CDH18: variants seen among roughly 807,000 people sequenced by gnomAD.
The protein encoded by CDH18 is cadherin-18.
A neutral mutation model predicts 67.9 loss-of-function variants in CDH18; 31 were observed. That is an observed-to-expected ratio of 0.46 (90% CI 0.34 to 0.62). The LOEUF (loss-of-function observed/expected upper bound fraction) is 0.62, where lower values mean the gene tolerates loss of function less well. CDH18 is among the 20% of genes least tolerant of loss of function. The probability of loss-of-function intolerance (pLI) is 0.01; values close to 1 mark genes in which losing one functional copy is unlikely to be tolerated. For synonymous variants in CDH18, 362 were observed against 347.2 expected (o/e 1.04, Z -0.48); for missense variants, 890 against 975.5 (o/e 0.91, Z 1.17).
At chr5:19,901,435 T>C (rs1789930591) in intron 2 of CDH18, among the ~76,000 whole-genome samples, 1 of 152,096 alleles carries the variant, frequency 6.6e-6, no homozygotes, top group Non-Finnish European at 1.5e-5. Context: ...ATTTATCCAC[T>C]TACATTTGAA....
chr5:20,565,524 C>A (rs950637740), intron 1 of CDH18, among the ~76,000 whole-genome samples: 2 of 152,050 alleles, frequency 1.3e-5, no homozygotes, highest in Non-Finnish European at 2.9e-5. Flanking sequence ...TGACATCTCC[C>A]ACCATCACAA....
chr5:20,420,048 A>G (rs1747736624), intron 1 of CDH18, among the ~76,000 whole-genome samples: 1 of 151,098 alleles, frequency 6.6e-6, no homozygotes, highest in Non-Finnish European at 1.5e-5. Flanking sequence ...TAGTACTCTT[A>G]GAGTAATGCT....
intron 2 of CDH18, among the ~76,000 whole-genome samples, chr5:19,942,421 G>T (rs919571497): frequency 2.0e-5 from 3 of 152,138 alleles, no homozygotes; most frequent in African/African-American, 7.2e-5. Context: ...GTGTCTCTTT[G>T]ATTCTCAATT....
At chr5:20,554,679 G>C (rs181358172) in intron 1 of CDH18, among the ~76,000 whole-genome samples, 1 of 152,250 alleles carries the variant, frequency 6.6e-6, no homozygotes, top group African/African-American at 2.4e-5. Context: ...CGTCAAAGGG[G>C]GAATCGAATT....
chr5:20,445,342 T>A (rs1749921907), intron 1 of CDH18, among the ~76,000 whole-genome samples: 1 of 152,086 alleles, frequency 6.6e-6, no homozygotes, highest in Non-Finnish European at 1.5e-5. Context: ...GATCCTGGAG[T>A]GCAACTGTGT....
intron 1 of CDH18, among the ~76,000 whole-genome samples, chr5:20,387,342 G>T (rs752492637): frequency 3.9e-5 from 6 of 152,110 alleles, no homozygotes; most frequent in Non-Finnish European, 8.8e-5. Context: ...GTGAATGGGA[G>T]TTCACTCATG....
At chr5:20,451,102 C>G (rs1750411429) in intron 1 of CDH18, among the ~76,000 whole-genome samples, 1 of 152,156 alleles carries the variant, frequency 6.6e-6, no homozygotes, top group Non-Finnish European at 1.5e-5. Context: ...GGTGGGGACA[C>G]AGCCAAACCA....
intron 3 of CDH18, among the ~76,000 whole-genome samples, chr5:19,758,139 G>A (rs10059718): frequency 1.3e-5 from 2 of 152,120 alleles, no homozygotes; most frequent in Admixed American, 1.3e-4. Flanking sequence ...GGACCTGCTA[G>A]AGCCTGATCA....
chr5:19,575,992 G>A (rs1742248844), intron 7 of CDH18, among the ~76,000 whole-genome samples: 1 of 152,070 alleles, frequency 6.6e-6, no homozygotes. Flanking sequence ...TTCTTCCAGG[G>A]GAAACATAGA....
intron 8 of CDH18, among the ~76,000 whole-genome samples, chr5:19,563,859 C>G (rs1739892414): frequency 6.6e-6 from 1 of 152,196 alleles, no homozygotes; most frequent in Non-Finnish European, 1.5e-5. Flanking sequence ...TACACAACCC[C>G]TCCCTCATAC....
chr5:19,505,222 G>A (rs1168272552), intron 10 of CDH18, among the ~76,000 whole-genome samples: 1 of 152,092 alleles, frequency 6.6e-6, no homozygotes, highest in African/African-American at 2.4e-5. Flanking sequence ...TTTGGGCTGA[G>A]ACGATGGGGT....
chr5:19,896,547 A>C (rs1180541867), intron 2 of CDH18, among the ~76,000 whole-genome samples: 1 of 152,148 alleles, frequency 6.6e-6, no homozygotes, highest in African/African-American at 2.4e-5. Flanking sequence ...GCCAAAGAAC[A>C]GATTCTTCCC....
intron 1 of CDH18, among the ~76,000 whole-genome samples, chr5:20,361,383 G>A (rs865784429): frequency 6.6e-5 from 10 of 151,958 alleles, no homozygotes; most frequent in Non-Finnish European, 1.3e-4. Context: ...TCTAAGTAGT[G>A]CCATCTTTTA....
chr5:19,984,756 A>G (rs1799392205), intron 1 of CDH18, among the ~76,000 whole-genome samples: 1 of 152,194 alleles, frequency 6.6e-6, no homozygotes, highest in Non-Finnish European at 1.5e-5. Context: ...GACACGCATG[A>G]TGCGTTAATC....
intron 1 of CDH18, among the ~76,000 whole-genome samples, chr5:20,397,523 C>A (rs1562031449): frequency 6.6e-6 from 1 of 152,068 alleles, no homozygotes; most frequent in African/African-American, 2.4e-5. Context: ...TAATTTAATT[C>A]TTATAAACGT....
chr5:19,785,550 A>C (rs925198920), intron 3 of CDH18, among the ~76,000 whole-genome samples: 1 of 147,594 alleles, frequency 6.8e-6, no homozygotes, highest in Non-Finnish European at 1.5e-5. Flanking sequence ...GCTACTCAGG[A>C]GGCTAAGGCA....
At chr5:19,736,685 A>G (rs779146767) in intron 4 of CDH18, among the ~76,000 whole-genome samples, 13 of 152,038 alleles carry the variant, frequency 8.6e-5, no homozygotes, top group Non-Finnish European at 1.6e-4. Flanking sequence ...ATTTGGTTCT[A>G]TGTGTGGGGG....
At position 20,564,806 on chromosome 5, in the gene CDH18, G is replaced by C. The variant is rs368551802; in HGVS notation, c.-580+10656C>G. On this transcript the variant is annotated intron_variant, in intron 1 of 14. Coordinates refer to the CDH18 transcript ENST00000507958. ...GTAAGGGTCAGAGATCTAACAGAAA[G>C]ACATTGTCTTTAGCCAATTATTTTT... Among the ~76,000 whole-genome samples the C allele has an allele frequency of 2.0e-5, 3 of 152,258 alleles. No homozygotes were observed. In the East Asian group the frequency reaches 5.8e-4, roughly 29 times the overall value.
In CDH18 at chr5:19,718,882, T is replaced by C. The variant is rs199681886; in HGVS notation, c.643+2465A>G. Among the ~76,000 whole-genome samples the C allele has an allele frequency of 5.5e-4, 84 of 152,092 alleles. 2 individuals are homozygous for C. The East Asian group carries it at 0.016, about 29-fold the overall frequency. ...CTATTTACACTTGAGATAAACTTAT[T>C]TTTGTTGTTTAATAAGGTACTCACT... On this transcript the variant is annotated intron_variant, in intron 5 of 12. Transcript: ENST00000382275.
Sources: gnomAD v4.1 joint callset for allele counts (sites outside exome capture counted in the v4.1 genomes callset) on GRCh38, gnomAD v4.1.1 for gene constraint, MANE v1.5 for transcripts, NCBI Gene and HGNC (gene_info 2026-07-23, HGNC 2026-07-21) for gene names.